The following NPC1L1 variants were observed in gnomAD, a reference collection of about 807,000 sequenced individuals.
NPC1L1 encodes NPC1-like intracellular cholesterol transporter 1.
A neutral mutation model predicts 117.0 loss-of-function variants in NPC1L1; 98 were observed. The observed-to-expected ratio is 0.84, with a 90% confidence interval of 0.71 to 0.99. NPC1L1 has a LOEUF of 0.99. NPC1L1 is among the 50% of genes least tolerant of loss of function. The pLI, the probability that NPC1L1 is intolerant of heterozygous loss-of-function variation, is 0.00. For synonymous variants in NPC1L1, 729 were observed against 727.6 expected, an observed-to-expected ratio of 1.00 and a Z score of -0.03; for missense variants, 1,540 against 1,710.0, an observed-to-expected ratio of 0.90 and a Z score of 1.75.
At chr7:44,530,221 CCA>C (rs1801654134) in intron 10 of NPC1L1, among the ~76,000 whole-genome samples, 1 of 151,986 alleles carries the variant, frequency 6.6e-6, no homozygotes, top group East Asian at 1.9e-4. Context: ...ACCTGTAATC[CCA>C]GTTACTTGGG....
chr7:44,529,206 C>A (rs1407559117), intron 10 of NPC1L1, among the ~76,000 whole-genome samples: 2 of 150,880 alleles, frequency 1.3e-5, no homozygotes, highest in African/African-American at 2.4e-5. Context: ...CCTAGGCAGC[C>A]CCCATCTGCT....
chr7:44,532,266 C>T (rs772898891), intron 8 of NPC1L1, 49 bp from the exon 9 acceptor site: 2 of 1,610,720 alleles, frequency 1.2e-6, no homozygotes, highest in South Asian at 1.1e-5. Flanking sequence ...AGACAAGGCC[C>T]CAGGGACCAC....
Position 44,521,732 on chromosome 7 carries a change from T to C in NPC1L1, c.2933A>G (p.Lys978Arg), listed in dbSNP as rs1801359896. ...RLYISGPNKDKFCPSTVNSLN... is the reference protein window; with the variant it reads ...RLYISGPNKDRFCPSTVNSLN... ...CTCACTGACGGTCGAGGGGCAGAAC[T>C]TGTCCTTATTGGGGCCAGATATATA... Residue 978 changes from lysine to arginine, a missense_variant, in exon 12 of 19, where the codon AAG becomes AGG. Physicochemically the swap from Lys to Arg is conservative, Grantham distance 26 (BLOSUM62 2). This residue lies in a region of NPC1L1 where 742 missense variants were observed against 873.6 expected (regional missense o/e 0.85). Coordinates refer to ENST00000381160, the MANE Select transcript of NPC1L1 (RefSeq NM_001101648.2). 4.3e-6 allele frequency: 7 copies of C among 1,614,156 alleles called. No homozygotes were observed. The highest frequency in any genetic ancestry group is 5.9e-6 in the Non-Finnish European group (7 of 1,180,020).
rs752945778 is a variant in NPC1L1 at position 44,517,230 on chromosome 7, C to T, written c.3264G>A (p.Pro1088=). The change falls in exon 15 of 19, where the codon CCG becomes CCA. Residue 1088 remains proline (P), a synonymous_variant. Transcript: ENST00000381160. ...ACGTGTAGGGGAAGACCTCAAAAGC[C>T]GGGTCTGTTCCAGGCACTTTCCGCA... ...ADLRKVPGTD[P]AFEVFPYTIT... is the part of the protein sequence containing the mutation. The T allele has an allele frequency of 3.3e-5, 53 of 1,613,924 alleles. No individual in the cohort carries two copies. The highest frequency in any genetic ancestry group is 1.6e-4 in the East Asian group (7 of 44,884).
At chr7:44,535,736 T>C in intron 5 of NPC1L1, 104 bp downstream of exon 5, 1 of 1,537,502 alleles carries the variant, frequency 6.5e-7, no homozygotes. Context: ...GTGTGTCCAC[T>C]TTGCTGTTCT....
At chr7:44,523,959 G>T (rs1249315981) in intron 10 of NPC1L1, among the ~76,000 whole-genome samples, 1 of 152,108 alleles carries the variant, frequency 6.6e-6, no homozygotes, top group Non-Finnish European at 1.5e-5. Context: ...ACACAGGCAG[G>T]CAGCCACTAA....
chr7:44,521,669 C>T, intron 12 of NPC1L1, 43 bp downstream of exon 12: 3 of 1,613,610 alleles, frequency 1.9e-6, no homozygotes, highest in Non-Finnish European at 2.5e-6. Flanking sequence ...CTCAGTTTGC[C>T]CGAGCTGTGG....
chr7:44,538,849 G>T lies in NPC1L1; in HGVS notation c.1548C>A (p.Val516=). 6.2e-7 allele frequency: 1 copy of T among 1,614,162 alleles called. No individual in the cohort carries two copies. The highest frequency in any genetic ancestry group is 1.1e-5 in the South Asian group (1 of 91,058). The change falls in exon 2 of 19, where the codon GTC becomes GTA. Residue 516 remains valine (V), a synonymous_variant. Coordinates refer to ENST00000381160, the MANE Select transcript of NPC1L1 (RefSeq NM_001101648.2). This position sits in a 1 kb window ranked among gnomAD's most constrained non-coding sequence, Gnocchi z 5.9. ...NQTLMGQTSQ[V]DWKDHFLYCA... ...AGTACAGAAAATGGTCCTTCCAGTCGACTTGGGAGGTCTGCCCCATCAGTG... is the reference window on the plus strand; with the variant it reads ...AGTACAGAAAATGGTCCTTCCAGTCTACTTGGGAGGTCTGCCCCATCAGTG...
At position 44,532,167 on chromosome 7, in the gene NPC1L1, C is replaced by T. The variant is rs750146943; in HGVS notation, c.2460G>A (p.Pro820=). 49 of 1,613,876 alleles carry T rather than the reference C, an allele frequency of 3.0e-5. 1 individual carries two copies. The highest frequency in any genetic ancestry group is 1.9e-4 in the South Asian group (17 of 91,090). Residue 820 remains proline (P), a synonymous_variant, in exon 9 of 19, where the codon CCG becomes CCA. Transcript: ENST00000381160. ...CCCVKPQELP[P]PGQGEGLLLG... ...GCAGGAGCCCCTCTCCCTGGCCAGG[C>T]GGGGGCAGCTCCTGGGGCTTGACAC...
chr7:44,541,088 G>A (rs1255150727), intron 1 of NPC1L1, 118 bp downstream of exon 1: 3 of 1,131,310 alleles, frequency 2.7e-6, no homozygotes. Context: ...GACTTGCCCA[G>A]CCCGCAGGCC....
chr7:44,536,502 C>A lies in NPC1L1; in HGVS notation c.1682-74G>T. Reference sequence around the variant, plus strand: ...CCCCCTCCAGCTGCACCCCTATATTCCCTCCCCCTATCTAGCTGCACCCCT... The same window carrying A: ...CCCCCTCCAGCTGCACCCCTATATTACCTCCCCCTATCTAGCTGCACCCCT... On this transcript the variant is annotated intron_variant, in intron 3 of 18. Transcript: ENST00000381160. This position sits in a 1 kb window ranked among gnomAD's most constrained non-coding sequence, Gnocchi z 4.7. 2.0e-6 allele frequency: 3 copies of A among 1,501,900 alleles called. No homozygotes were observed. The highest frequency in any genetic ancestry group is 2.7e-6 in the Non-Finnish European group (3 of 1,096,064). The allele number at this position is 1,501,900 out of a possible 1,614,324, so 93.0% of individuals were successfully genotyped here. A position where few individuals can be genotyped will look rare whatever the true frequency, so the allele number is the denominator to read the frequency against.
At position 44,539,613 on chromosome 7, in the gene NPC1L1, A is replaced by C; in HGVS notation, c.784T>G (p.Ser262Ala). The part of the protein sequence containing the change: ...ATCSCQDCAA[S>A]CPAIARPQAL... ...TGGGGGCGGGCTATGGCAGGACAGG[A>C]TGCAGCACAGTCTTGGCAGGAGCAG... The change falls in exon 2 of 19, where the codon TCC becomes GCC. Residue 262 changes from serine (S) to alanine (A), a missense_variant. Transcript: ENST00000381160. The surrounding 1 kb of genome is among the most constrained non-coding windows in gnomAD (Gnocchi z 4.4). The C allele has an allele frequency of 6.2e-7, 1 of 1,613,888 alleles. No homozygotes were observed. The highest frequency in any genetic ancestry group is 8.5e-7 in the Non-Finnish European group (1 of 1,180,002).
In NPC1L1 at chr7:44,538,972, G is replaced by A. The variant is rs913472404; in HGVS notation, c.1425C>T (p.Leu475=). The change falls in exon 2 of 19, where the codon CTC becomes CTT. Residue 475 remains leucine (L), a synonymous_variant. Coordinates refer to ENST00000381160, the MANE Select transcript of NPC1L1 (RefSeq NM_001101648.2). This position sits in a 1 kb window ranked among gnomAD's most constrained non-coding sequence, Gnocchi z 5.9. ...CGTAGAGACTGGTATTGTCCGGATTGAGGGGGGCGTAGCAGATGTCCTGCA... is the reference window on the plus strand; with the variant it reads ...CGTAGAGACTGGTATTGTCCGGATTAAGGGGGGCGTAGCAGATGTCCTGCA... ...ISLQDICYAP[L]NPDNTSLYDC... 2 of 1,614,240 alleles carry A rather than the reference G, an allele frequency of 1.2e-6. No homozygotes were observed. The highest frequency in any genetic ancestry group is 8.5e-7 in the Non-Finnish European group (1 of 1,180,046).
At chr7:44,517,173 C>T in intron 15 of NPC1L1, 34 bp downstream of exon 15, 1 of 1,613,812 alleles carries the variant, frequency 6.2e-7, no homozygotes, top group Non-Finnish European at 8.5e-7. Flanking sequence ...AACCATACCC[C>T]ACCTCCCTCC....
At position 44,539,611 on chromosome 7, in the gene NPC1L1, G is replaced by A. The variant is rs900515554; in HGVS notation, c.786C>T (p.Ser262=). 15 of 1,613,834 alleles carry A rather than the reference G, an allele frequency of 9.3e-6. No individual in the cohort carries two copies. Among genetic ancestry groups the A allele is most frequent in the Admixed American group, 5.0e-5 (3 of 60,012 alleles). The change falls in exon 2 of 19, where the codon TCC becomes TCT. Residue 262 remains serine (S), a synonymous_variant. Coordinates refer to ENST00000381160, the MANE Select transcript of NPC1L1 (RefSeq NM_001101648.2). This position sits in a 1 kb window ranked among gnomAD's most constrained non-coding sequence, Gnocchi z 4.4. ...CCTGGGGGCGGGCTATGGCAGGACA[G>A]GATGCAGCACAGTCTTGGCAGGAGC... The part of the protein sequence containing the change: ...ATCSCQDCAA[S]CPAIARPQAL...
intron 12 of NPC1L1, among the ~76,000 whole-genome samples, chr7:44,521,468 C>T (rs1355711620): frequency 6.6e-6 from 1 of 152,220 alleles, no homozygotes; most frequent in African/African-American, 2.4e-5. Flanking sequence ...GCACCATGTG[C>T]TCTGAAAATG....
chr7:44,540,767 T>G (rs1302176802), intron 1 of NPC1L1, among the ~76,000 whole-genome samples: 1 of 151,894 alleles, frequency 6.6e-6, no homozygotes, highest in Non-Finnish European at 1.5e-5. Context: ...GGCCAAAAGC[T>G]GTCACCCACC....
rs1209476415 is a variant in NPC1L1 at position 44,521,758 on chromosome 7, A to C, written c.2907T>G (p.Leu969=). The C allele has an allele frequency of 1.9e-6, 3 of 1,614,064 alleles. No individual in the cohort carries two copies. Residue 969 remains leucine, a synonymous_variant, in exon 12 of 19, where the codon CTT becomes CTG. Transcript: ENST00000381160. ...DWLTPSSCCR[L]YISGPNKDKF... The stretch of plus-strand genomic sequence containing the variant: ...TGTCCTTATTGGGGCCAGATATATA[A>C]AGGCGGCAGCAGGAGGACGGGGTCA...
chr7:44,537,373 G>T (rs1801932893), intron 2 of NPC1L1, among the ~76,000 whole-genome samples: 5 of 152,332 alleles, frequency 3.3e-5, no homozygotes, highest in South Asian at 4.1e-4. Flanking sequence ...GAGCCATGGG[G>T]TCTGGCATGG....
Sources: allele counts gnomAD v4.1 joint callset (sites outside exome capture counted in the v4.1 genomes callset), GRCh38; gene constraint gnomAD v4.1.1; regional missense constraint gnomAD v4.1.1; non-coding constraint Gnocchi (gnomAD v3.1); transcripts MANE v1.5; gene names NCBI Gene and HGNC (gene_info 2026-07-23, HGNC 2026-07-21).